The following FOXJ2 variants were observed in gnomAD, a reference collection of about 807,000 sequenced individuals.
The protein encoded by FOXJ2 is forkhead box protein J2.
In FOXJ2, 18 loss-of-function variants were observed where a neutral mutation model predicts 68.4. The ratio of observed to expected loss-of-function variants is 0.26; its 90% CI spans 0.18 to 0.39. The LOEUF is 0.39. Among genes scored for constraint, FOXJ2 ranks in the 10% least tolerant of loss-of-function variants. The probability of loss-of-function intolerance (pLI) is 1.00; values close to 1 mark genes in which losing one functional copy is unlikely to be tolerated. For synonymous variants in FOXJ2, 274 were observed against 263.2 expected (o/e 1.04, Z -0.40); for missense variants, 670 against 726.5 (o/e 0.92, Z 0.89).
rs1045159840 is a variant in FOXJ2 at position 8,041,629 on chromosome 12, G to T, written c.334-1029G>T. Among the ~76,000 whole-genome samples the T allele has an allele frequency of 2.6e-5, 4 of 151,674 alleles. No individual in the cohort carries two copies. The South Asian group carries it at 6.3e-4, about 24-fold the overall frequency. On this transcript the variant is annotated intron_variant, in intron 2 of 10. Transcript: ENST00000162391. ...GGGCTCAAGCAATCCTTCCACCTAA[G>T]CCTCCTGAGTAGCTGGGACTACAGG...
chr12:8,035,221 A>G lies in FOXJ2; in HGVS notation c.-15+1388A>G, dbSNP rs1165620036. ...GGTATGTGTGTGGAGACAGGTACTT[A>G]TGTGCTTTTCAGACTATACTCCAGT... On this transcript the variant is annotated intron_variant, in intron 1 of 10. Coordinates refer to ENST00000162391, the MANE Select transcript of FOXJ2 (RefSeq NM_018416.3). The surrounding 1 kb of genome is among the most constrained non-coding windows in gnomAD (Gnocchi z 4.0). Among the ~76,000 whole-genome samples, 2 of 152,106 alleles carry G rather than the reference A, an allele frequency of 1.3e-5. No homozygotes were observed. The highest frequency in any genetic ancestry group is 2.9e-5 in the Non-Finnish European group (2 of 68,020).
Position 8,048,122 on chromosome 12 carries a change from G to A in FOXJ2, c.1058G>A (p.Gly353Glu). The change falls in exon 7 of 11, where the codon GGG becomes GAG. Residue 353 changes from glycine to glutamate, a missense_variant. Gly to Glu is a moderately conservative substitution (Grantham distance 98). This residue lies in a region of FOXJ2 where 555 missense variants were observed against 562.2 expected (regional missense o/e 0.99). Coordinates refer to ENST00000162391, the MANE Select transcript of FOXJ2 (RefSeq NM_018416.3). ...GCTPPGGKQA[G>E]AEGYGPPPVM... is the part of the protein sequence containing the mutation. ...ACCCCACCAGGGGGAAAGCAAGCTG[G>A]GGCGGAAGGCTATGGGCCTCCCCCT... 6.2e-7 allele frequency: 1 copy of A among 1,613,248 alleles called. No homozygotes were observed. Among genetic ancestry groups the A allele is most frequent in the Non-Finnish European group, 8.5e-7 (1 of 1,179,506 alleles).
intron 8 of FOXJ2, 89 bp downstream of exon 8, chr12:8,048,887 A>G: frequency 1.0e-6 from 1 of 995,418 alleles, no homozygotes; most frequent in Non-Finnish European, 1.6e-6. Context: ...GGTTAAATGA[A>G]GTTGCAGAAA....
chr12:8,041,680 T>G (rs73244571), intron 2 of FOXJ2, among the ~76,000 whole-genome samples: 13,721 of 151,838 alleles, frequency 0.09, 1,718 homozygotes, highest in African/African-American at 0.28. Context: ...ACAGGAACTT[T>G]TTTTTATTTT....
Position 8,038,831 on chromosome 12 carries a change from C to T in FOXJ2, c.-14-988C>T, listed in dbSNP as rs73244564. On this transcript the variant is annotated intron_variant, in intron 1 of 10. Transcript: ENST00000162391. This position sits in a 1 kb window ranked among gnomAD's most constrained non-coding sequence, Gnocchi z 5.3. ...TCCAGGAGTTTGCATGGAGGTGCAG[C>T]GAGCGTGCCTGCCTGGCTGGGAAGG... Among the ~76,000 whole-genome samples, 6,342 of 152,230 alleles carry T rather than the reference C, an allele frequency of 0.042. 463 individuals are homozygous for T. Among genetic ancestry groups the T allele is most frequent in the African/African-American group, 0.15 (6,038 of 41,512 alleles).
intron 2 of FOXJ2, 88 bp from the exon 3 acceptor site, chr12:8,042,570 T>C (rs188212935): frequency 4.6e-6 from 5 of 1,089,926 alleles, no homozygotes; most frequent in Admixed American, 3.7e-5. Flanking sequence ...TGGTGTATTA[T>C]GTTTTTTTGT....
rs1947066546 is a variant in FOXJ2 at position 8,048,228 on chromosome 12, G to T, written c.1164G>T (p.Gln388His). 6.2e-7 allele frequency: 1 copy of T among 1,605,690 alleles called. No individual in the cohort carries two copies. The highest frequency in any genetic ancestry group is 1.3e-5 in the African/African-American group (1 of 74,784). The change falls in exon 7 of 11, where the codon CAG (glutamine) becomes CAT (histidine). Residue 388 changes from glutamine to histidine, a missense_variant. Around this residue, in one of 2 missense-constraint regions of FOXJ2, gnomAD observed 555 missense variants for 562.2 expected, o/e 0.99. Coordinates refer to ENST00000162391, the MANE Select transcript of FOXJ2 (RefSeq NM_018416.3). ...HQHHPHSHPA[Q>H]QPPPPQPQAQ... ...ACCATCCCCACTCCCACCCTGCCCA[G>T]CAGCCACCACCTCCACAGCCACAGG...
At chr12:8,034,935 C>G (rs1591573840) in intron 1 of FOXJ2, among the ~76,000 whole-genome samples, 1 of 152,210 alleles carries the variant, frequency 6.6e-6, no homozygotes. Context: ...TGTCTGCTTT[C>G]CTGCCTCACC....
At chr12:8,049,930 A>G (rs1237087151) in intron 9 of FOXJ2, 3 of 326,034 alleles carry the variant, frequency 9.2e-6, no homozygotes, top group Non-Finnish European at 1.7e-5. Context: ...TGATGTTCAA[A>G]CTAGTGAAAT....
chr12:8,044,496 C>T (rs996899070), intron 5 of FOXJ2, among the ~76,000 whole-genome samples: 1 of 152,002 alleles, frequency 6.6e-6, no homozygotes, highest in African/African-American at 2.4e-5. Flanking sequence ...TCACTTGAAC[C>T]GGGGAGGTGG....
intron 9 of FOXJ2, 35 bp from the exon 10 acceptor site, chr12:8,050,487 C>A (rs1273702956): frequency 2.4e-5 from 38 of 1,602,250 alleles, no homozygotes; most frequent in Non-Finnish European, 3.1e-5. Context: ...GACCCGCCCC[C>A]CCCAACTCAA....
In FOXJ2 at chr12:8,033,696, C is replaced by T. The variant is rs1288254038; in HGVS notation, c.-152C>T. On this transcript the variant is annotated 5_prime_UTR_variant, in exon 1 of 11. Transcript: ENST00000162391. Reference sequence around the variant, plus strand: ...CAGGGGACCCAGTTCCCCTCACCAACTTGGGAGGCTCAGCCTCGTCCAGGA... The same window carrying T: ...CAGGGGACCCAGTTCCCCTCACCAATTTGGGAGGCTCAGCCTCGTCCAGGA... 2 of 152,850 alleles carry T rather than the reference C, an allele frequency of 1.3e-5. No homozygotes were observed. The highest frequency in any genetic ancestry group is 2.9e-5 in the Non-Finnish European group (2 of 68,224). The allele number at this position is 152,850 out of a possible 1,614,324, so 9.5% of individuals were successfully genotyped here.
intron 6 of FOXJ2, among the ~76,000 whole-genome samples, chr12:8,046,333 C>T (rs1947036637): frequency 6.6e-6 from 1 of 152,166 alleles, no homozygotes; most frequent in African/African-American, 2.4e-5. Context: ...TAATAAACCC[C>T]TGTGTTCCAT....
At chr12:8,049,891 C>G in intron 9 of FOXJ2, 1 of 400,240 alleles carries the variant, frequency 2.5e-6, no homozygotes, top group Non-Finnish European at 4.4e-6. Flanking sequence ...CTGGGTGATA[C>G]CGGATGAAAT....
At chr12:8,050,891 C>A (rs1285267092) in intron 10 of FOXJ2, among the ~76,000 whole-genome samples, 1 of 90,292 alleles carries the variant, frequency 1.1e-5, no homozygotes, top group Non-Finnish European at 2.4e-5. Flanking sequence ...TTCCCTTCCC[C>A]TTCCCTTCCC....
intron 9 of FOXJ2, 29 bp downstream of exon 9, chr12:8,049,600 G>T: frequency 6.5e-7 from 1 of 1,527,394 alleles, no homozygotes; most frequent in Non-Finnish European, 8.8e-7. Flanking sequence ...TGCCATGGAG[G>T]TGGAGACTAT....
intron 5 of FOXJ2, among the ~76,000 whole-genome samples, 169 bp downstream of exon 5, chr12:8,044,260 A>G (rs746013767): frequency 2.6e-5 from 4 of 152,330 alleles, no homozygotes; most frequent in Admixed American, 1.3e-4. Context: ...ATAGAAAGGC[A>G]TAGCAGAACT....
intron 1 of FOXJ2, among the ~76,000 whole-genome samples, chr12:8,036,317 G>A (rs192532487): frequency 2.0e-5 from 3 of 152,318 alleles, no homozygotes; most frequent in Admixed American, 2.0e-4. Context: ...AGAAAACTGA[G>A]CCTGTTATTG....
At chr12:8,052,380 A>G (rs10744135) in intron 10 of FOXJ2, among the ~76,000 whole-genome samples, 106,001 of 151,824 alleles carry the variant, frequency 0.7, 38,009 homozygotes, top group Middle Eastern at 0.84. Context: ...GACCACACCC[A>G]GCTAATTTTT....
Sources: gnomAD v4.1 joint callset for allele counts (sites outside exome capture counted in the v4.1 genomes callset) on GRCh38, gnomAD v4.1.1 for gene constraint, gnomAD v4.1.1 regional missense constraint, Gnocchi (gnomAD v3.1) non-coding constraint, MANE v1.5 for transcripts, NCBI Gene and HGNC (gene_info 2026-07-23, HGNC 2026-07-21) for gene names.